Variants in SOX5 observed in about 807,000 individuals in gnomAD.
The protein encoded by SOX5 is transcription factor SOX-5.
Under a neutral mutation model 92.0 loss-of-function variants are expected in SOX5, and 9 were observed. The observed-to-expected ratio is 0.10, with a 90% CI of 0.06 to 0.17. The LOEUF (loss-of-function observed/expected upper bound fraction) is 0.17, where lower values mean the gene tolerates loss of function less well. Ranked by LOEUF, SOX5 falls within the 10% of genes least tolerant of loss-of-function variation. The probability of loss-of-function intolerance (pLI) is 1.00; values close to 1 mark genes in which losing one functional copy is unlikely to be tolerated. For synonymous variants in SOX5, 344 were observed against 336.3 expected, an observed-to-expected ratio of 1.02 and a Z score of -0.25; for missense variants, 642 against 944.5, an observed-to-expected ratio of 0.68 and a Z score of 4.20.
chr12:24,112,095 A>G (rs1431265983), intron 4 of SOX5, among the ~76,000 whole-genome samples: 1 of 152,218 alleles, frequency 6.6e-6, no homozygotes, highest in Non-Finnish European at 1.5e-5. Context: ...AGTCATGTAT[A>G]CCATGGCTTC....
chr12:23,660,814 A>T (rs995224268), intron 7 of SOX5, among the ~76,000 whole-genome samples: 47 of 152,168 alleles, frequency 3.1e-4, no homozygotes, highest in African/African-American at 1.1e-3. Flanking sequence ...TGGGACTCTT[A>T]AAAACAAAGG....
chr12:24,492,017 A>C (rs1947139271), intron 1 of SOX5, among the ~76,000 whole-genome samples: 1 of 152,104 alleles, frequency 6.6e-6, no homozygotes, highest in Non-Finnish European at 1.5e-5. Context: ...ACTTTGGTTA[A>C]AGCAAGAGCT....
chr12:24,482,800 G>T (rs1239798727), intron 1 of SOX5, among the ~76,000 whole-genome samples: 3 of 152,162 alleles, frequency 2.0e-5, no homozygotes, highest in African/African-American at 7.2e-5. Context: ...GAAACACTAT[G>T]CACACTTGAA....
intron 1 of SOX5, among the ~76,000 whole-genome samples, chr12:24,380,165 C>T (rs1302595777): frequency 6.6e-6 from 1 of 152,194 alleles, no homozygotes; most frequent in Non-Finnish European, 1.5e-5. Context: ...GTAATTGTTT[C>T]GAAACAACAG....
At chr12:23,573,459 CTTTTTTGAAACTTCG>C (rs1948676486) in intron 10 of SOX5, among the ~76,000 whole-genome samples, 1 of 152,154 alleles carries the variant, frequency 6.6e-6, no homozygotes, top group Non-Finnish European at 1.5e-5. Flanking sequence ...AATAATCCCT[CTTTTTTGAAACTTCG>C]TTTTCCTAGG....
At chr12:24,177,814 T>C (rs1056756186) in intron 4 of SOX5, among the ~76,000 whole-genome samples, 4 of 151,958 alleles carry the variant, frequency 2.6e-5, no homozygotes, top group Admixed American at 6.6e-5. Context: ...ACAGGGTCAC[T>C]AGGCTCTTGT....
intron 1 of SOX5, among the ~76,000 whole-genome samples, chr12:23,934,539 T>C (rs1042684409): frequency 6.7e-6 from 1 of 150,184 alleles, no homozygotes; most frequent in Non-Finnish European, 1.5e-5. Context: ...ATTTTAAATA[T>C]TTTTTCATCC....
chr12:24,146,734 G>C (rs1202344334), intron 4 of SOX5, among the ~76,000 whole-genome samples: 2 of 145,046 alleles, frequency 1.4e-5, no homozygotes, highest in African/African-American at 5.1e-5. Flanking sequence ...GGCTGGTCAG[G>C]AGGAAAAAAA....
At chr12:23,609,899 T>C (rs1280511288) in intron 8 of SOX5, among the ~76,000 whole-genome samples, 1 of 152,152 alleles carries the variant, frequency 6.6e-6, no homozygotes, top group East Asian at 1.9e-4. Context: ...TTTCTTATAA[T>C]TTATTATTAT....
intron 2 of SOX5, among the ~76,000 whole-genome samples, chr12:23,881,480 T>A (rs1019867403): frequency 6.6e-6 from 1 of 152,180 alleles, no homozygotes; most frequent in African/African-American, 2.4e-5. Flanking sequence ...ACAAACACTG[T>A]CAAGTCCCCC....
intron 10 of SOX5, among the ~76,000 whole-genome samples, chr12:23,574,774 C>A (rs1244341137): frequency 3.3e-5 from 5 of 152,120 alleles, no homozygotes; most frequent in Non-Finnish European, 5.9e-5. Flanking sequence ...TTTCTTACTG[C>A]CTAGAATGCC....
At chr12:24,259,351 T>C (rs1341024602) in intron 3 of SOX5, among the ~76,000 whole-genome samples, 1 of 152,236 alleles carries the variant, frequency 6.6e-6, no homozygotes, top group Non-Finnish European at 1.5e-5. Flanking sequence ...TATTTATACA[T>C]TTGTGTGTAT....
At chr12:23,619,895 G>GA (rs540630913) in intron 8 of SOX5, among the ~76,000 whole-genome samples, 1 of 152,046 alleles carries the variant, frequency 6.6e-6, no homozygotes, top group South Asian at 2.1e-4. Flanking sequence ...TTTATTCATG[G>GA]AAAAAAATTA....
chr12:24,362,080 G>A (rs1955638291), intron 2 of SOX5, among the ~76,000 whole-genome samples: 1 of 152,182 alleles, frequency 6.6e-6, no homozygotes. Context: ...TTGATGGTGG[G>A]TGGGTAAGTC....
At chr12:24,068,190 A>T (rs1054487978) in intron 4 of SOX5, among the ~76,000 whole-genome samples, 13 of 152,154 alleles carry the variant, frequency 8.5e-5, no homozygotes, top group Non-Finnish European at 1.8e-4. Flanking sequence ...AAGTAAAGGG[A>T]AATTAGCAGA....
chr12:23,807,632 C>T (rs905899670), intron 3 of SOX5, among the ~76,000 whole-genome samples: 10 of 144,672 alleles, frequency 6.9e-5, no homozygotes, highest in African/African-American at 2.5e-4. Flanking sequence ...TGTGAAAGAA[C>T]AGAAATTCCA....
At chr12:23,941,402 A>T (rs1468075732) in intron 1 of SOX5, among the ~76,000 whole-genome samples, 3 of 151,608 alleles carry the variant, frequency 2.0e-5, no homozygotes, top group Admixed American at 1.3e-4. Context: ...AATTAGATCC[A>T]TATTATTTTT....
At chr12:23,663,793 T>G (rs1226261404) in intron 7 of SOX5, among the ~76,000 whole-genome samples, 1 of 123,564 alleles carries the variant, frequency 8.1e-6, no homozygotes, top group African/African-American at 2.9e-5. Flanking sequence ...ATTCTATTCA[T>G]AGAATTTATT....
At chr12:24,222,878 T>C (rs1960834607) in intron 3 of SOX5, among the ~76,000 whole-genome samples, 1 of 152,128 alleles carries the variant, frequency 6.6e-6, no homozygotes, top group Non-Finnish European at 1.5e-5. Context: ...ATTGTTAAAA[T>C]CACACTGTGC....
Sources: gnomAD v4.1 joint callset for allele counts (sites outside exome capture counted in the v4.1 genomes callset) on GRCh38, gnomAD v4.1.1 for gene constraint, MANE v1.5 for transcripts, NCBI Gene and HGNC (gene_info 2026-07-23, HGNC 2026-07-21) for gene names.